The following OR1J2 variants were observed in gnomAD, a reference collection of about 807,000 sequenced individuals.
The protein encoded by OR1J2 is olfactory receptor family 1 subfamily J member 2, also known as olfactory receptor 1J2.
For synonymous variants in OR1J2, 142 were observed against 99.7 expected (o/e 1.42, Z -2.52); for missense variants, 304 against 246.1 (o/e 1.24, Z -1.57).
the OR1J2 span, among the ~76,000 whole-genome samples, chr9:122,561,140 C>T: frequency 6.6e-6 from 1 of 152,182 alleles, no homozygotes; most frequent in African/African-American, 2.4e-5. Flanking sequence ...CTTGCGTATG[C>T]TTCATGAAGT....
At chr9:122,570,082 T>A in the OR1J2 span, among the ~76,000 whole-genome samples, 1 of 149,462 alleles carries the variant, frequency 6.7e-6, no homozygotes, top group African/African-American at 2.5e-5. Flanking sequence ...TCTATCATTG[T>A]TGGACATTTG....
the OR1J2 span, among the ~76,000 whole-genome samples, chr9:122,470,243 G>A: frequency 2.0e-5 from 3 of 152,310 alleles, no homozygotes; most frequent in Non-Finnish European, 4.4e-5. Flanking sequence ...GCTGTGTGCA[G>A]TATAGAGACT....
chr9:122,461,369 A>G, the OR1J2 span, among the ~76,000 whole-genome samples: 1 of 151,284 alleles, frequency 6.6e-6, no homozygotes, highest in Non-Finnish European at 1.5e-5. Context: ...TATTGAGATA[A>G]TCATGTTATT....
At chr9:122,509,550 C>G (rs1828592634), upstream of OR1J2, among the ~76,000 whole-genome samples, 1 of 152,180 alleles carries the variant, frequency 6.6e-6, no homozygotes, top group African/African-American at 2.4e-5. Context: ...CTGATCTTTA[C>G]TTTCTCAACA....
At chr9:122,541,810 A>G in the OR1J2 span, among the ~76,000 whole-genome samples, 1 of 152,230 alleles carries the variant, frequency 6.6e-6, no homozygotes, top group Non-Finnish European at 1.5e-5. Flanking sequence ...ATCTACAAGC[A>G]CAGAGCTTCC....
At chr9:122,516,765 G>C in the OR1J2 span, among the ~76,000 whole-genome samples, 5 of 152,294 alleles carry the variant, frequency 3.3e-5, no homozygotes, top group South Asian at 1.0e-3. Flanking sequence ...AGAAGAGAAT[G>C]GAGAAGGAGG....
the OR1J2 span, chr9:122,568,201 T>C: frequency 6.2e-7 from 1 of 1,614,182 alleles, no homozygotes; most frequent in Non-Finnish European, 8.5e-7. Flanking sequence ...GCATAGGAGA[T>C]GGTCTTCTTT....
the OR1J2 span, among the ~76,000 whole-genome samples, chr9:122,481,333 A>G: frequency 6.6e-6 from 1 of 152,168 alleles, no homozygotes; most frequent in African/African-American, 2.4e-5. Context: ...CACAGGATAA[A>G]TGAATCTTCC....
chr9:122,579,930 A>G, the OR1J2 span, among the ~76,000 whole-genome samples: 20,687 of 152,102 alleles, frequency 0.14, 1,524 homozygotes, highest in Middle Eastern at 0.2. Context: ...GACCCACCTA[A>G]AGTACTTCTC....
chr9:122,487,094 A>C, the OR1J2 span, among the ~76,000 whole-genome samples: 1 of 152,172 alleles, frequency 6.6e-6, no homozygotes, highest in Non-Finnish European at 1.5e-5. Context: ...TCAGTAAGGG[A>C]AAGGTTAAGG....
chr9:122,556,099 C>A, the OR1J2 span, among the ~76,000 whole-genome samples: 19 of 152,182 alleles, frequency 1.2e-4, no homozygotes, highest in African/African-American at 3.6e-4. Context: ...TACCTTTTCC[C>A]AGAATGTTAT....
At chr9:122,479,010 G>T in the OR1J2 span, among the ~76,000 whole-genome samples, 1 of 152,110 alleles carries the variant, frequency 6.6e-6, no homozygotes, top group Non-Finnish European at 1.5e-5. Flanking sequence ...TTACAGGTGT[G>T]AGCCACTGCA....
At chr9:122,546,801 CAA>C in the OR1J2 span, among the ~76,000 whole-genome samples, 2 of 152,032 alleles carry the variant, frequency 1.3e-5, no homozygotes, top group African/African-American at 2.4e-5. Flanking sequence ...ATTTTGAAAA[CAA>C]AAATTATTTT....
At chr9:122,522,439 G>A in the OR1J2 span, among the ~76,000 whole-genome samples, 2 of 152,132 alleles carry the variant, frequency 1.3e-5, no homozygotes, top group African/African-American at 4.8e-5. Context: ...AATTTTAAGA[G>A]TAAACAAAAA....
chr9:122,539,055 C>A, the OR1J2 span, among the ~76,000 whole-genome samples: 1 of 152,068 alleles, frequency 6.6e-6, no homozygotes, highest in Non-Finnish European at 1.5e-5. Flanking sequence ...ACACCTATCT[C>A]TCGGTCTCTG....
At chr9:122,568,557 C>G in the OR1J2 span, 2 of 837,870 alleles carry the variant, frequency 2.4e-6, no homozygotes, top group South Asian at 3.6e-5. Flanking sequence ...GAGAACCTAG[C>G]AAGTCTTTGT....
chr9:122,492,925 C>A, the OR1J2 span, among the ~76,000 whole-genome samples: 1 of 152,072 alleles, frequency 6.6e-6, no homozygotes, highest in East Asian at 1.9e-4. Flanking sequence ...TAAAAGGATG[C>A]TGGATTTTGT....
the OR1J2 span, among the ~76,000 whole-genome samples, chr9:122,566,545 T>G: frequency 6.6e-6 from 1 of 152,200 alleles, no homozygotes; most frequent in Non-Finnish European, 1.5e-5. Flanking sequence ...TATTTGATTC[T>G]TTGAACATGC....
At chr9:122,453,406 A>G in the OR1J2 span, among the ~76,000 whole-genome samples, 89 of 152,270 alleles carry the variant, frequency 5.8e-4, no homozygotes, top group African/African-American at 2.1e-3. Context: ...TCCACTTGCC[A>G]TGCTTAACCA....
Sources: allele counts gnomAD v4.1 joint callset (sites outside exome capture counted in the v4.1 genomes callset), GRCh38; gene constraint gnomAD v4.1.1; transcripts MANE v1.5; gene names NCBI Gene and HGNC (gene_info 2026-07-23, HGNC 2026-07-21).